Variants in ERV3-1 observed in about 807,000 individuals in gnomAD.
ERV3-1 encodes the protein endogenous retrovirus group 3 member 1, envelope.
In ERV3-1, 36 loss-of-function variants were observed where a neutral mutation model predicts 24.6. The observed-to-expected ratio is 1.47, with a 90% CI of 1.12 to 1.94. ERV3-1 has a LOEUF of 1.94. ERV3-1 is among the 30% of genes most tolerant of loss of function. The pLI is 0.00. For synonymous variants in ERV3-1, 211 were observed against 122.6 expected, an observed-to-expected ratio of 1.72 and a Z score of -4.76; for missense variants, 578 against 330.9, an observed-to-expected ratio of 1.75 and a Z score of -5.79.
chr7:64,993,021 C>A lies in ERV3-1; in HGVS notation c.6G>T (p.Leu2=), dbSNP rs765129177. The A allele has an allele frequency of 5.4e-6, 4 of 743,926 alleles. No homozygotes were observed. The highest frequency in any genetic ancestry group is 9.9e-6 in the Non-Finnish European group (4 of 402,552). The allele number at this position is 743,926 out of a possible 1,614,324, so 46.1% of individuals were successfully genotyped here. The change falls in exon 2 of 2, where the codon CTG becomes CTT. Residue 2 remains leucine (L), a synonymous_variant. Transcript: ENST00000394323. ...AAGTGATGAGTAGCATGTTCATACC[C>A]AGCATGGACAGAAAAGGCTTTTTCC... is the stretch of plus-strand genomic sequence containing the variant. M[L]GMNMLLITLF... is the part of the protein sequence containing the mutation.
At chr7:64,998,360 T>C (rs1786449716) in intron 1 of ERV3-1, among the ~76,000 whole-genome samples, 1 of 152,160 alleles carries the variant, frequency 6.6e-6, no homozygotes, top group African/African-American at 2.4e-5. Context: ...ATAAGGAAAT[T>C]GGTCTGGATG....
intron 1 of ERV3-1, among the ~76,000 whole-genome samples, chr7:65,002,525 G>A (rs1378996008): frequency 2.0e-5 from 3 of 151,968 alleles, no homozygotes; most frequent in East Asian, 3.9e-4. Context: ...ATGGGGTTTC[G>A]TCATGTTGGC....
Position 64,991,201 on chromosome 7 carries a change from G to T in ERV3-1, c.*11C>A. ...GGATGAGAACCAACCTCTGAAAAGG[G>T]AATCTGGAGACTATCCTTTCCAAGT... On this transcript the variant is annotated 3_prime_UTR_variant, in exon 2 of 2. Transcript: ENST00000394323. 1 of 736,856 alleles carries T rather than the reference G, an allele frequency of 1.4e-6. No individual in the cohort carries two copies. Among genetic ancestry groups the T allele is most frequent in the South Asian group, 1.4e-5 (1 of 69,296 alleles). The allele number at this position is 736,856 out of a possible 1,614,324, so 45.6% of individuals were successfully genotyped here. A position where few individuals can be genotyped will look rare whatever the true frequency, so the allele number is the denominator to read the frequency against.
chr7:65,001,342 G>T (rs1332186339), intron 1 of ERV3-1, among the ~76,000 whole-genome samples: 1 of 152,214 alleles, frequency 6.6e-6, no homozygotes, highest in African/African-American at 2.4e-5. Context: ...TAGATTGGTG[G>T]AGAGAACAGG....
chr7:64,994,491 G>T (rs907075085), intron 1 of ERV3-1, among the ~76,000 whole-genome samples: 6 of 152,142 alleles, frequency 3.9e-5, no homozygotes, highest in Non-Finnish European at 7.4e-5. Context: ...CATAGCTAAG[G>T]CTTCCTTTTT....
At chr7:65,002,075 T>C (rs1366827214) in intron 1 of ERV3-1, among the ~76,000 whole-genome samples, 1 of 152,018 alleles carries the variant, frequency 6.6e-6, no homozygotes, top group East Asian at 1.9e-4. Context: ...GTGGAAAAAA[T>C]GTATAGGACA....
At chr7:64,995,286 T>G (rs1453472787) in intron 1 of ERV3-1, among the ~76,000 whole-genome samples, 1 of 152,228 alleles carries the variant, frequency 6.6e-6, no homozygotes, top group Non-Finnish European at 1.5e-5. Context: ...GAGGCCACCC[T>G]AGCACCACAG....
chr7:64,991,044 AGTCC>A lies in ERV3-1; in HGVS notation c.*164_*167del, dbSNP rs924635001. The A allele has an allele frequency of 1.9e-6, 1 of 539,796 alleles. No homozygotes were observed. The highest frequency in any genetic ancestry group is 3.3e-6 in the Non-Finnish European group (1 of 305,312). 33.4% of individuals were successfully genotyped at this position (539,796 alleles called of 1,614,324 possible). On this transcript the variant is annotated 3_prime_UTR_variant, in exon 2 of 2. Coordinates refer to ENST00000394323, the MANE Select transcript of ERV3-1 (RefSeq NM_001007253.4). The stretch of plus-strand genomic sequence containing the variant: ...TAGTTAGGGCCATTAGTCGTGTGGT[AGTCC>A]GTCTGTCCACAAGAGCCTCTATGGC...
chr7:64,991,374 T>C lies in ERV3-1; in HGVS notation c.1653A>G (p.Arg551=), dbSNP rs758643881. 2.6e-5 allele frequency: 18 copies of C among 703,948 alleles called. No individual in the cohort carries two copies. The highest frequency in any genetic ancestry group is 4.7e-5 in the Non-Finnish European group (18 of 384,980). 43.6% of individuals were successfully genotyped at this position (703,948 alleles called of 1,614,324 possible). Residue 551 remains arginine, a synonymous_variant, in exon 2 of 2, where the codon AGA becomes AGG. Transcript: ENST00000394323. Reference sequence around the variant, plus strand: ...GGGCTAGGAGGTAGTCTAAGGCCAGTCTATTTTGATAAATGACATTTCTCA... The same window carrying C: ...GGGCTAGGAGGTAGTCTAAGGCCAGCCTATTTTGATAAATGACATTTCTCA... ...TKMRNVIYQN[R]LALDYLLAQE... is the part of the protein sequence containing the mutation.
chr7:64,995,304 T>A (rs373491086), intron 1 of ERV3-1, among the ~76,000 whole-genome samples: 1 of 152,190 alleles, frequency 6.6e-6, no homozygotes, highest in East Asian at 1.9e-4. Flanking sequence ...CAGAGTCAAC[T>A]GTTTGGATAA....
In ERV3-1 at chr7:64,991,056, C is replaced by T. The variant is rs1786251574; in HGVS notation, c.*156G>A. On this transcript the variant is annotated 3_prime_UTR_variant, in exon 2 of 2. Transcript: ENST00000394323. ...TTAGTCGTGTGGTAGTCCGTCTGTCCACAAGAGCCTCTATGGCTGTTTGGA... is the reference window on the plus strand; with the variant it reads ...TTAGTCGTGTGGTAGTCCGTCTGTCTACAAGAGCCTCTATGGCTGTTTGGA... The T allele has an allele frequency of 3.5e-6, 2 of 567,384 alleles. No homozygotes were observed. The highest frequency in any genetic ancestry group is 6.3e-5 in the Admixed American group (2 of 31,558). The allele number at this position is 567,384 out of a possible 1,614,324, so 35.1% of individuals were successfully genotyped here.
At chr7:65,004,442 G>GTTTTGT (rs1454009537) in intron 1 of ERV3-1, 1 of 152,166 alleles carries the variant, frequency 6.6e-6, no homozygotes, top group Non-Finnish European at 1.5e-5. Flanking sequence ...AGGTAAATGA[G>GTTTTGT]TTTTGTTTTT....
At chr7:65,002,147 T>C (rs1786537186) in intron 1 of ERV3-1, among the ~76,000 whole-genome samples, 1 of 152,170 alleles carries the variant, frequency 6.6e-6, no homozygotes, top group Admixed American at 6.5e-5. Flanking sequence ...GTTAATAAAA[T>C]TCTCTATCCT....
chr7:64,991,913 G>A lies in ERV3-1; in HGVS notation c.1114C>T (p.Leu372=). The A allele has an allele frequency of 1.3e-6, 1 of 766,356 alleles. No homozygotes were observed. The highest frequency in any genetic ancestry group is 2.4e-6 in the Non-Finnish European group (1 of 417,894). 47.5% of individuals were successfully genotyped at this position (766,356 alleles called of 1,614,324 possible). A position where few individuals can be genotyped will look rare whatever the true frequency, so the allele number is the denominator to read the frequency against. The part of the protein sequence containing the change: ...CLGQQYYNET[L]GKTLWRGKSN... The stretch of plus-strand genomic sequence containing the variant: ...TTGCCCCTCCATAAAGTCTTTCCTA[G>A]TGTCTCGTTGTAATATTGTTGTCCT... The change falls in exon 2 of 2, where the codon CTA becomes TTA. Residue 372 remains leucine (L), a synonymous_variant. Coordinates refer to ENST00000394323, the MANE Select transcript of ERV3-1 (RefSeq NM_001007253.4).
At chr7:65,003,318 C>T (rs1267598143) in intron 1 of ERV3-1, among the ~76,000 whole-genome samples, 1 of 152,122 alleles carries the variant, frequency 6.6e-6, no homozygotes, top group Admixed American at 6.5e-5. Context: ...CTCGTCTCTA[C>T]TAAAAATACA....
In ERV3-1 at chr7:64,993,187, C is replaced by T. The variant is rs968061195; in HGVS notation, c.-161G>A. The T allele has an allele frequency of 7.7e-5, 46 of 594,236 alleles. No individual in the cohort carries two copies. The highest frequency in any genetic ancestry group is 7.8e-5 in the Non-Finnish European group (26 of 334,596). The allele number at this position is 594,236 out of a possible 1,614,324, so 36.8% of individuals were successfully genotyped here. A position where few individuals can be genotyped will look rare whatever the true frequency, so the allele number is the denominator to read the frequency against. Reference sequence around the variant, plus strand: ...CTTCGGCCGTGCATAGACTAGTCAGCTTCTGGGGTGACTAGAGCAGGGCTG... The same window carrying T: ...CTTCGGCCGTGCATAGACTAGTCAGTTTCTGGGGTGACTAGAGCAGGGCTG... On this transcript the variant is annotated 5_prime_UTR_variant, in exon 2 of 2. Coordinates refer to ENST00000394323, the MANE Select transcript of ERV3-1 (RefSeq NM_001007253.4).
At chr7:65,002,308 TG>T (rs1786540971) in intron 1 of ERV3-1, among the ~76,000 whole-genome samples, 1 of 152,146 alleles carries the variant, frequency 6.6e-6, no homozygotes. Flanking sequence ...TTGTCTTCAG[TG>T]GTCAAAATAA....
chr7:64,996,397 G>T (rs1786409086), intron 1 of ERV3-1, among the ~76,000 whole-genome samples: 2 of 152,284 alleles, frequency 1.3e-5, no homozygotes, highest in South Asian at 4.1e-4. Context: ...GCCAGCCCAG[G>T]TGGCTTGTCT....
intron 1 of ERV3-1, among the ~76,000 whole-genome samples, chr7:65,003,124 A>G (rs1315201675): frequency 1.3e-5 from 2 of 152,128 alleles, no homozygotes; most frequent in Non-Finnish European, 2.9e-5. Flanking sequence ...GGCTTCTTCC[A>G]TGGCTAGAGT....
Sources: gnomAD v4.1 joint callset for allele counts (sites outside exome capture counted in the v4.1 genomes callset) on GRCh38, gnomAD v4.1.1 for gene constraint, MANE v1.5 for transcripts, NCBI Gene and HGNC (gene_info 2026-07-23, HGNC 2026-07-21) for gene names.